ANXA6: variants seen among roughly 807,000 people sequenced by gnomAD.
ANXA6 encodes 67 kDa calelectrin.
Under a neutral mutation model 95.4 loss-of-function variants are expected in ANXA6, and 71 were observed. The ratio of observed to expected loss-of-function variants is 0.74; its 90% CI spans 0.61 to 0.91. The LOEUF (loss-of-function observed/expected upper bound fraction) is 0.91. Among genes scored for constraint, ANXA6 ranks in the 40% least tolerant of loss-of-function variants. ANXA6 has a pLI of 0.00. For synonymous variants in ANXA6, 289 were observed against 315.9 expected (o/e 0.91, Z 0.90); for missense variants, 830 against 876.4 (o/e 0.95, Z 0.67).
chr5:151,109,517 C>T (rs1764789276), intron 22 of ANXA6, among the ~76,000 whole-genome samples: 1 of 152,194 alleles, frequency 6.6e-6, no homozygotes, highest in South Asian at 2.1e-4. Context: ...GTTGCTATAC[C>T]TAATCCCGGG....
intron 2 of ANXA6, among the ~76,000 whole-genome samples, chr5:151,143,463 C>T (rs1428970522): frequency 6.6e-6 from 1 of 152,186 alleles, no homozygotes; most frequent in East Asian, 1.9e-4. Context: ...CAGATACTCA[C>T]AATTCCAGGG....
intron 7 of ANXA6, among the ~76,000 whole-genome samples, chr5:151,135,826 CA>C (rs1416554763): frequency 2.0e-5 from 3 of 152,166 alleles, no homozygotes; most frequent in Non-Finnish European, 2.9e-5. Flanking sequence ...GGAAAACAAA[CA>C]AAAAATCCAA....
chr5:151,109,768 G>A lies in ANXA6; in HGVS notation c.1669C>T (p.Pro557Ser). The A allele has an allele frequency of 6.2e-7, 1 of 1,610,358 alleles. No individual in the cohort carries two copies. The highest frequency in any genetic ancestry group is 8.5e-7 in the Non-Finnish European group (1 of 1,178,184). Residue 557 changes from proline (P) to serine (S), a missense_variant, in exon 22 of 26, where the codon CCG becomes TCG. Transcript: ENST00000354546. ...FMTILCTRSY[P>S]HLRRVFQEFI... Reference sequence around the variant, plus strand: ...CAGGCCTCACCTCTCCGGAGGTGCGGATAGCTCCGGGTACACAGGATCGTC... The same window carrying A: ...CAGGCCTCACCTCTCCGGAGGTGCGAATAGCTCCGGGTACACAGGATCGTC...
At chr5:151,101,634 C>A (rs1764554407) in intron 25 of ANXA6, 127 bp from the exon 26 acceptor site, 1 of 797,776 alleles carries the variant, frequency 1.3e-6, no homozygotes, top group Non-Finnish European at 2.2e-6. Context: ...GGATCCCATG[C>A]CACATGTAGG....
chr5:151,156,485 G>A (rs927830575), intron 1 of ANXA6, among the ~76,000 whole-genome samples: 3 of 152,166 alleles, frequency 2.0e-5, no homozygotes, highest in Admixed American at 6.5e-5. Flanking sequence ...GAAGGGCTAC[G>A]CAGGTCAGGA....
intron 11 of ANXA6, among the ~76,000 whole-genome samples, chr5:151,130,917 G>A (rs1047112280): frequency 2.6e-5 from 4 of 152,220 alleles, no homozygotes; most frequent in South Asian, 2.1e-4. Context: ...GCCTACATAC[G>A]CTGTATAAAA....
intron 2 of ANXA6, among the ~76,000 whole-genome samples, chr5:151,140,887 C>T (rs1765816593): frequency 6.6e-6 from 1 of 152,228 alleles, no homozygotes; most frequent in East Asian, 1.9e-4. Context: ...GACCTTTTCC[C>T]TCTGCTCTCC....
chr5:151,117,802 C>A lies in ANXA6; in HGVS notation c.1474G>T (p.Asp492Tyr). 6.2e-7 allele frequency: 1 copy of A among 1,613,818 alleles called. No individual in the cohort carries two copies. Among genetic ancestry groups the A allele is most frequent in the South Asian group, 1.1e-5 (1 of 91,042 alleles). The change falls in exon 19 of 26, where the codon GAC becomes TAC. Residue 492 changes from aspartate to tyrosine, a missense_variant. Coordinates refer to ENST00000354546, the MANE Select transcript of ANXA6 (RefSeq NM_001155.5). The part of the protein sequence containing the change: ...HKSLEDALSS[D>Y]TSGHFRRILI... ...ATCCTCCTGAAGTGGCCAGATGTGTCTGAGCTCAGAGCATCCTCCAGGGAC... is the reference window on the plus strand; with the variant it reads ...ATCCTCCTGAAGTGGCCAGATGTGTATGAGCTCAGAGCATCCTCCAGGGAC...
intron 23 of ANXA6, 66 bp from the exon 24 acceptor site, chr5:151,105,369 GCCT>G: frequency 6.9e-7 from 1 of 1,453,204 alleles, no homozygotes; most frequent in Non-Finnish European, 9.7e-7. Flanking sequence ...CTCTGGACCG[GCCT>G]CCCCCATCTC....
chr5:151,153,179 C>T (rs563430775), intron 1 of ANXA6, among the ~76,000 whole-genome samples: 11 of 152,256 alleles, frequency 7.2e-5, no homozygotes, highest in African/African-American at 2.2e-4. Context: ...CCCTGTCTTC[C>T]CTGCTAAACC....
intron 17 of ANXA6, among the ~76,000 whole-genome samples, chr5:151,121,485 T>C (rs552744362): frequency 8.5e-5 from 13 of 152,352 alleles, no homozygotes; most frequent in Admixed American, 7.2e-4. Context: ...TTGTTTAATG[T>C]AGGGTCAGGT....
At position 151,101,271 on chromosome 5, in the gene ANXA6, G is replaced by C; in HGVS notation, c.*177C>G. ...AGCCGCTCAGCCGTGCTGGGCCCTC[G>C]ATGGCCCGTGGGAGTGGGAGCGTTT... On this transcript the variant is annotated 3_prime_UTR_variant, in exon 26 of 26. Transcript: ENST00000354546. 1 of 657,796 alleles carries C rather than the reference G, an allele frequency of 1.5e-6. No individual in the cohort carries two copies. The highest frequency in any genetic ancestry group is 2.8e-6 in the Non-Finnish European group (1 of 363,408). 40.7% of individuals were successfully genotyped at this position (657,796 alleles called of 1,614,324 possible).
chr5:151,126,649 G>A (rs770478314), intron 13 of ANXA6, among the ~76,000 whole-genome samples, 169 bp from the exon 14 acceptor site: 22 of 151,792 alleles, frequency 1.4e-4, no homozygotes, highest in Non-Finnish European at 1.6e-4. Flanking sequence ...TCCTCCATTC[G>A]CCAGAGTCCT....
intron 23 of ANXA6, 72 bp downstream of exon 23, chr5:151,108,383 G>T: frequency 7.1e-7 from 1 of 1,403,142 alleles, no homozygotes; most frequent in Non-Finnish European, 1.0e-6. Context: ...AGGCTGCCAA[G>T]GTTCTATTCT....
At chr5:151,152,666 A>AC (rs1324606032) in intron 1 of ANXA6, among the ~76,000 whole-genome samples, 2 of 152,214 alleles carry the variant, frequency 1.3e-5, no homozygotes, top group Non-Finnish European at 2.9e-5. Context: ...CAAGAGTATC[A>AC]CCACTTTCCA....
At chr5:151,108,623 A>G in intron 22 of ANXA6, 73 bp from the exon 23 acceptor site, 1 of 1,284,170 alleles carries the variant, frequency 7.8e-7, no homozygotes, top group South Asian at 1.2e-5. Context: ...CCTCAGCCCC[A>G]CCCAGTGCCT....
chr5:151,124,548 AGAGAGAGAG>A (rs1765262642), intron 14 of ANXA6, among the ~76,000 whole-genome samples, 181 bp from the exon 15 acceptor site: 6 of 112,546 alleles, frequency 5.3e-5, no homozygotes, highest in Non-Finnish European at 1.3e-4. Flanking sequence ...AGAGAGAGAG[AGAGAGAGAG>A]AGAGAAAGAG....
intron 13 of ANXA6, among the ~76,000 whole-genome samples, chr5:151,127,943 A>C (rs1416459431): frequency 6.6e-6 from 1 of 152,158 alleles, no homozygotes; most frequent in East Asian, 1.9e-4. Context: ...CCAAGTTCAC[A>C]AGAGCAGACA....
At chr5:151,128,040 G>A in intron 13 of ANXA6, 141 bp downstream of exon 13, 1 of 715,546 alleles carries the variant, frequency 1.4e-6, no homozygotes, top group East Asian at 2.7e-5. Flanking sequence ...ACCAGCAAAA[G>A]CCGCCTTTCA....
Sources: allele counts gnomAD v4.1 joint callset (sites outside exome capture counted in the v4.1 genomes callset), GRCh38; gene constraint gnomAD v4.1.1; transcripts MANE v1.5; gene names NCBI Gene and HGNC (gene_info 2026-07-23, HGNC 2026-07-21).